Variants in SNTB1 observed in about 807,000 individuals in gnomAD.
SNTB1 encodes the protein syntrophin beta 1.
In SNTB1, 36 loss-of-function variants were observed where a neutral mutation model predicts 48.9. The ratio of observed to expected loss-of-function variants is 0.74; its 90% CI spans 0.56 to 0.97. The LOEUF (loss-of-function observed/expected upper bound fraction) is 0.97, where lower values mean the gene tolerates loss of function less well. SNTB1 is among the 50% of genes least tolerant of loss of function. The probability of loss-of-function intolerance (pLI) is 0.00; values close to 1 mark genes in which losing one functional copy is unlikely to be tolerated. For missense variants in SNTB1, 786 were observed against 703.4 expected, an observed-to-expected ratio of 1.12 and a Z score of -1.33; for synonymous variants, 299 against 294.6, an observed-to-expected ratio of 1.01 and a Z score of -0.15.
Position 120,811,376 on chromosome 8 carries a change from C to G in SNTB1, c.468G>C (p.Val156=). The change falls in exon 1 of 7, where the codon GTG becomes GTC. Residue 156 remains valine (V), a synonymous_variant. Coordinates refer to ENST00000517992, the MANE Select transcript of SNTB1 (RefSeq NM_021021.4). ...CGTTCACGGACAGGATGGCGTCGCC[C>G]ACGTACAGGGCTTGGGTCTGGTCCG... ...LAADQTQALY[V]GDAILSVNGA... 6.2e-7 allele frequency: 1 copy of G among 1,613,916 alleles called. No individual in the cohort carries two copies. Among genetic ancestry groups the G allele is most frequent in the Non-Finnish European group, 8.5e-7 (1 of 1,179,940 alleles).
At chr8:120,702,342 C>T (rs905046612) in intron 1 of SNTB1, among the ~76,000 whole-genome samples, 18 of 152,212 alleles carry the variant, frequency 1.2e-4, no homozygotes, top group African/African-American at 4.1e-4. Context: ...TGCCTACTTC[C>T]TGACCTAATC....
intron 1 of SNTB1, among the ~76,000 whole-genome samples, chr8:120,706,331 A>G (rs1177501894): frequency 6.6e-6 from 1 of 152,194 alleles, no homozygotes; most frequent in African/African-American, 2.4e-5. Flanking sequence ...ATTGCAGGAT[A>G]GATAATCAAC....
intron 3 of SNTB1, among the ~76,000 whole-genome samples, chr8:120,628,574 G>A (rs995848341): frequency 2.0e-5 from 3 of 152,068 alleles, no homozygotes; most frequent in Admixed American, 2.0e-4. Flanking sequence ...CTGGCCAACA[G>A]AGCAAAACCC....
At chr8:120,676,854 A>G (rs899092297) in intron 2 of SNTB1, among the ~76,000 whole-genome samples, 1 of 152,064 alleles carries the variant, frequency 6.6e-6, no homozygotes, top group Admixed American at 6.6e-5. Context: ...CCAGGAGTTC[A>G]AGAGCAGCCT....
At chr8:120,713,014 A>G in intron 1 of SNTB1, among the ~76,000 whole-genome samples, 1 of 152,174 alleles carries the variant, frequency 6.6e-6, no homozygotes, top group East Asian at 1.9e-4. Flanking sequence ...CAGGAAGAAA[A>G]GCATCTAAAA....
At chr8:120,732,221 T>C (rs1481160415) in intron 1 of SNTB1, among the ~76,000 whole-genome samples, 1 of 152,322 alleles carries the variant, frequency 6.6e-6, no homozygotes, top group African/African-American at 2.4e-5. Flanking sequence ...AAATGCTTCC[T>C]ACAACTTGTA....
chr8:120,611,908 A>G (rs1394307136), intron 3 of SNTB1, among the ~76,000 whole-genome samples: 2 of 148,888 alleles, frequency 1.3e-5, no homozygotes, highest in African/African-American at 5.0e-5. Context: ...AGTATTACTT[A>G]TTTTTCTGTG....
chr8:120,694,966 C>CT (rs1324236331), intron 1 of SNTB1, among the ~76,000 whole-genome samples: 1 of 152,086 alleles, frequency 6.6e-6, no homozygotes, highest in African/African-American at 2.4e-5. Context: ...GACTGAAGTT[C>CT]TGCTCTTTGA....
At chr8:120,791,752 T>C (rs1295298178) in intron 1 of SNTB1, among the ~76,000 whole-genome samples, 2 of 151,868 alleles carry the variant, frequency 1.3e-5, no homozygotes, top group African/African-American at 4.8e-5. Context: ...AATGAGATAC[T>C]ACCTTACCCC....
chr8:120,542,094 C>T (rs932967205), intron 5 of SNTB1, 94 bp from the exon 6 acceptor site: 123 of 777,760 alleles, frequency 1.6e-4, no homozygotes, highest in Middle Eastern at 2.5e-4. Context: ...TCAGTCCCAG[C>T]GATCAGCTAC....
In SNTB1 at chr8:120,538,622, G is replaced by A. The variant is rs996804782; in HGVS notation, c.*255C>T. The A allele has an allele frequency of 2.0e-5, 11 of 554,914 alleles. No individual in the cohort carries two copies. Among genetic ancestry groups the A allele is most frequent in the Middle Eastern group, 2.8e-4 (1 of 3,610 alleles). 34.4% of individuals were successfully genotyped at this position (554,914 alleles called of 1,614,324 possible). On this transcript the variant is annotated 3_prime_UTR_variant, in exon 7 of 7. Transcript: ENST00000517992. ...TTCAAAGCTATGCTGTGTATTTCCC[G>A]TCACCTCACCTCTTTAACCTTGTAC...
chr8:120,664,961 C>A (rs1437046107), intron 2 of SNTB1, among the ~76,000 whole-genome samples: 3 of 152,100 alleles, frequency 2.0e-5, no homozygotes, highest in East Asian at 1.9e-4. Context: ...TTAATTTTAG[C>A]TAGATTCATA....
At chr8:120,743,579 G>T (rs1024246832) in intron 1 of SNTB1, among the ~76,000 whole-genome samples, 3 of 152,162 alleles carry the variant, frequency 2.0e-5, no homozygotes, top group South Asian at 2.1e-4. Context: ...GGTAGAAGTA[G>T]TAATTCCCTG....
chr8:120,638,388 G>A (rs923128634), intron 2 of SNTB1, among the ~76,000 whole-genome samples: 2 of 151,938 alleles, frequency 1.3e-5, no homozygotes, highest in Admixed American at 1.3e-4. Flanking sequence ...AAAGAGGAAT[G>A]AGTATTTTCT....
At chr8:120,773,568 A>C (rs535205791) in intron 1 of SNTB1, among the ~76,000 whole-genome samples, 1 of 152,306 alleles carries the variant, frequency 6.6e-6, no homozygotes, top group African/African-American at 2.4e-5. Context: ...AGTATGAGTA[A>C]GGCACCATCT....
intron 1 of SNTB1, among the ~76,000 whole-genome samples, chr8:120,695,885 C>A (rs1472082585): frequency 6.6e-6 from 1 of 152,130 alleles, no homozygotes; most frequent in Non-Finnish European, 1.5e-5. Flanking sequence ...CCTGTTAGCA[C>A]AGGTTGCAGT....
chr8:120,786,595 G>A (rs562958357), intron 1 of SNTB1, among the ~76,000 whole-genome samples: 2 of 152,148 alleles, frequency 1.3e-5, no homozygotes, highest in South Asian at 2.1e-4. Flanking sequence ...TTGCATGAGA[G>A]GTAGAGTCAC....
intron 3 of SNTB1, among the ~76,000 whole-genome samples, chr8:120,630,791 C>A (rs1275218720): frequency 6.6e-6 from 1 of 152,144 alleles, no homozygotes; most frequent in Non-Finnish European, 1.5e-5. Flanking sequence ...AACGGATTAT[C>A]CAAGTTAACC....
chr8:120,551,059 A>G (rs1047673345), intron 4 of SNTB1, among the ~76,000 whole-genome samples: 3 of 152,118 alleles, frequency 2.0e-5, no homozygotes, highest in Non-Finnish European at 4.4e-5. Context: ...AGTTCAAGAC[A>G]GCCTGGCCAA....
Sources: allele counts gnomAD v4.1 joint callset (sites outside exome capture counted in the v4.1 genomes callset), GRCh38; gene constraint gnomAD v4.1.1; transcripts MANE v1.5; gene names NCBI Gene and HGNC (gene_info 2026-07-23, HGNC 2026-07-21).